The following ADAMTSL1 variants were observed in gnomAD, a reference collection of about 807,000 sequenced individuals.
ADAMTSL1 encodes ADAMTS-like protein 1.
ADAMTSL1 carries 126 observed loss-of-function variants against 201.8 expected under a neutral mutation model. The ratio of observed to expected loss-of-function variants is 0.62; its 90% CI spans 0.54 to 0.72. ADAMTSL1 has a LOEUF of 0.72. ADAMTSL1 is among the 30% of genes least tolerant of loss of function. ADAMTSL1 has a pLI of 0.00. For missense variants in ADAMTSL1, 2,679 were observed against 2,277.8 expected (o/e 1.18, Z -3.59); for synonymous variants, 1,121 against 903.4 (o/e 1.24, Z -4.32).
intron 2 of ADAMTSL1, among the ~76,000 whole-genome samples, chr9:18,284,396 C>T (rs974683586): frequency 6.6e-6 from 1 of 151,822 alleles, no homozygotes; most frequent in African/African-American, 2.4e-5. Context: ...ATTTTTTCTA[C>T]CATTAGAACT....
chr9:18,349,030 A>C (rs1835847074), intron 2 of ADAMTSL1, among the ~76,000 whole-genome samples: 1 of 152,202 alleles, frequency 6.6e-6, no homozygotes, highest in African/African-American at 2.4e-5. Flanking sequence ...AAAGTTAAAC[A>C]CAGGCAATTT....
chr9:18,732,135 T>G (rs1818251031), intron 15 of ADAMTSL1, among the ~76,000 whole-genome samples: 1 of 152,204 alleles, frequency 6.6e-6, no homozygotes, highest in South Asian at 2.1e-4. Context: ...CTGATATAAA[T>G]AAGGATTTGC....
At chr9:18,636,636 T>A (rs1827129563) in intron 6 of ADAMTSL1, among the ~76,000 whole-genome samples, 2 of 152,182 alleles carry the variant, frequency 1.3e-5, no homozygotes, top group Non-Finnish European at 2.9e-5. Flanking sequence ...CCAGGGTTTG[T>A]GCAAAAATTG....
rs755289671 is a variant in ADAMTSL1, at chr9:18,777,373, G to C, written c.3144G>C (p.Ala1048=). ...LLASWEAQDS[A]ERNTTSEEDP... The stretch of plus-strand genomic sequence containing the variant: ...CCTCGTGGGAGGCGCAGGACTCTGC[G>C]GAAAGGAACACGACCTCGGAGGAGG... Residue 1048 remains alanine, a synonymous_variant, in exon 19 of 29, where the codon GCG becomes GCC. Transcript: ENST00000380548. 5.4e-5 allele frequency: 87 copies of C among 1,602,066 alleles called. No homozygotes were observed. Among genetic ancestry groups the C allele is most frequent in the Non-Finnish European group, 7.1e-5 (84 of 1,174,922 alleles).
At chr9:18,786,869 T>G (rs1821740466) in intron 19 of ADAMTSL1, among the ~76,000 whole-genome samples, 1 of 152,166 alleles carries the variant, frequency 6.6e-6, no homozygotes, top group African/African-American at 2.4e-5. Flanking sequence ...TGATTATATT[T>G]CCCAGAAAGT....
intron 19 of ADAMTSL1, among the ~76,000 whole-genome samples, chr9:18,793,899 CT>C (rs1822203972): frequency 6.6e-6 from 1 of 152,070 alleles, no homozygotes; most frequent in Admixed American, 6.6e-5. Context: ...ATTAATTAAG[CT>C]GCCATAATGT....
intron 4 of ADAMTSL1, among the ~76,000 whole-genome samples, chr9:18,605,151 T>C (rs1307792940): frequency 1.3e-5 from 2 of 152,080 alleles, no homozygotes; most frequent in Non-Finnish European, 2.9e-5. Flanking sequence ...AAAATAACCA[T>C]GAAAATAGTG....
chr9:18,651,670 T>C (rs976974529), intron 7 of ADAMTSL1, among the ~76,000 whole-genome samples: 3 of 152,206 alleles, frequency 2.0e-5, no homozygotes, highest in African/African-American at 7.2e-5. Flanking sequence ...TCATTCCAAT[T>C]GTTACCAAAA....
At chr9:18,606,867 T>C (rs1337954902) in intron 4 of ADAMTSL1, among the ~76,000 whole-genome samples, 1 of 152,196 alleles carries the variant, frequency 6.6e-6, no homozygotes, top group Non-Finnish European at 1.5e-5. Context: ...TTTCCCACTC[T>C]TCAGAATAAT....
intron 20 of ADAMTSL1, among the ~76,000 whole-genome samples, chr9:18,811,012 C>CAAAAAAAAAAAAAA (rs76456235): frequency 3.1e-4 from 12 of 38,794 alleles, no homozygotes; most frequent in Non-Finnish European, 5.2e-4. Context: ...CAATGAGTAC[C>CAAAAAAAAAAAAAA]AAAAAAAAAA....
intron 1 of ADAMTSL1, among the ~76,000 whole-genome samples, chr9:18,133,889 C>A (rs1419382815): frequency 6.6e-6 from 1 of 152,144 alleles, no homozygotes; most frequent in Non-Finnish European, 1.5e-5. Context: ...AACCATGATA[C>A]AATATTACAT....
At chr9:18,635,641 A>T (rs550655669) in intron 5 of ADAMTSL1, among the ~76,000 whole-genome samples, 2 of 152,292 alleles carry the variant, frequency 1.3e-5, no homozygotes, top group Admixed American at 1.3e-4. Flanking sequence ...AGTGTTTTTG[A>T]TCATATAAGA....
At chr9:18,642,565 A>C (rs766394643) in intron 7 of ADAMTSL1, among the ~76,000 whole-genome samples, 1 of 151,866 alleles carries the variant, frequency 6.6e-6, no homozygotes, top group Non-Finnish European at 1.5e-5. Context: ...CTTTTGACCA[A>C]CATTTCCCCC....
intron 1 of ADAMTSL1, among the ~76,000 whole-genome samples, chr9:18,069,628 G>T (rs1004991603): frequency 6.6e-6 from 1 of 152,074 alleles, no homozygotes; most frequent in African/African-American, 2.4e-5. Context: ...CTCCTAATCT[G>T]GGCTTTATTC....
chr9:18,454,009 T>C (rs1328138605), intron 2 of ADAMTSL1, among the ~76,000 whole-genome samples: 1 of 152,220 alleles, frequency 6.6e-6, no homozygotes, highest in Admixed American at 6.5e-5. Flanking sequence ...TATCTGCCTA[T>C]AGATAGACAG....
chr9:18,432,909 G>C (rs1819560162), intron 2 of ADAMTSL1, among the ~76,000 whole-genome samples: 1 of 152,086 alleles, frequency 6.6e-6, no homozygotes, highest in African/African-American at 2.4e-5. Flanking sequence ...TACCAATCTT[G>C]CTTTAGCTTT....
At chr9:17,959,485 G>A (rs571515338) in intron 1 of ADAMTSL1, among the ~76,000 whole-genome samples, 1 of 152,052 alleles carries the variant, frequency 6.6e-6, no homozygotes, top group South Asian at 2.1e-4. Flanking sequence ...TTGAGACAGA[G>A]TCTCGCTCTG....
chr9:18,689,421 G>A (rs1831074012), intron 13 of ADAMTSL1, among the ~76,000 whole-genome samples: 3 of 151,936 alleles, frequency 2.0e-5, no homozygotes, highest in African/African-American at 7.3e-5. Flanking sequence ...TTCTGACTTG[G>A]GACAGGAAGG....
At chr9:18,307,846 T>G (rs1336608384) in intron 2 of ADAMTSL1, among the ~76,000 whole-genome samples, 1 of 152,188 alleles carries the variant, frequency 6.6e-6, no homozygotes. Context: ...CAAGTGGACC[T>G]AATAGACATC....
Sources: gnomAD v4.1 joint callset for allele counts (sites outside exome capture counted in the v4.1 genomes callset) on GRCh38, gnomAD v4.1.1 for gene constraint, MANE v1.5 for transcripts, NCBI Gene and HGNC (gene_info 2026-07-23, HGNC 2026-07-21) for gene names.